PLPP4: variants seen among roughly 807,000 people sequenced by gnomAD.
PLPP4 encodes the protein phospholipid phosphatase 4.
Under a neutral mutation model 32.2 loss-of-function variants are expected in PLPP4, and 20 were observed. The ratio of observed to expected loss-of-function variants is 0.62; its 90% CI spans 0.44 to 0.90. PLPP4 has a LOEUF of 0.90. Among genes scored for constraint, PLPP4 ranks in the 40% least tolerant of loss-of-function variants. PLPP4 has a pLI of 0.00. For synonymous variants in PLPP4, 127 were observed against 133.0 expected (o/e 0.95, Z 0.31); for missense variants, 257 against 353.1 (o/e 0.73, Z 2.18).
At chr10:120,497,419 G>A (rs1845020583) in intron 1 of PLPP4, among the ~76,000 whole-genome samples, 1 of 152,012 alleles carries the variant, frequency 6.6e-6, no homozygotes, top group Non-Finnish European at 1.5e-5. Flanking sequence ...CAGGCAGTGT[G>A]TATGTGTGTG....
At chr10:120,569,069 A>G (rs984613440) in intron 5 of PLPP4, among the ~76,000 whole-genome samples, 1 of 151,848 alleles carries the variant, frequency 6.6e-6, no homozygotes, top group African/African-American at 2.4e-5. Context: ...TGAAACCCCA[A>G]CTCTGCCAAA....
At position 120,508,043 on chromosome 10, in the gene PLPP4, C is replaced by T. The variant is rs184099086; in HGVS notation, c.165+4117C>T. ...CCCAAGGCCTATTCTTTGCCCTCTT[C>T]TCTTTTTGCTTCGACCGTGATATGT... On this transcript the variant is annotated intron_variant, in intron 2 of 6. Coordinates refer to ENST00000398250, the MANE Select transcript of PLPP4 (RefSeq NM_001030059.3). Among the ~76,000 whole-genome samples the T allele has an allele frequency of 2.2e-3, 338 of 152,320 alleles. 1 individual carries two copies. The highest frequency in any genetic ancestry group is 7.7e-3 in the African/African-American group (321 of 41,566).
chr10:120,457,270 A>G lies in PLPP4; in HGVS notation c.-36A>G. 1 of 1,465,152 alleles carries G rather than the reference A, an allele frequency of 6.8e-7. No individual in the cohort carries two copies. The highest frequency in any genetic ancestry group is 9.1e-7 in the Non-Finnish European group (1 of 1,100,592). 90.8% of individuals were successfully genotyped at this position (1,465,152 alleles called of 1,614,324 possible). On this transcript the variant is annotated 5_prime_UTR_variant, in exon 1 of 7. Transcript: ENST00000398250. ...CCGAGCTGCGGGAGCCGCGGAGAGCACCAGCTGACGCCGCGGGAGCTGCTC... is the reference window on the plus strand; with the variant it reads ...CCGAGCTGCGGGAGCCGCGGAGAGCGCCAGCTGACGCCGCGGGAGCTGCTC...
chr10:120,473,082 C>T (rs943709553), intron 1 of PLPP4, among the ~76,000 whole-genome samples: 9 of 152,176 alleles, frequency 5.9e-5, no homozygotes, highest in African/African-American at 2.2e-4. Context: ...ATGATCTATA[C>T]CTTTGACTTT....
intron 6 of PLPP4, among the ~76,000 whole-genome samples, chr10:120,587,091 C>T (rs1210402698): frequency 2.0e-5 from 3 of 152,096 alleles, no homozygotes; most frequent in East Asian, 1.9e-4. Context: ...AATCCAGGAT[C>T]GGAACAGCAC....
chr10:120,465,797 T>C (rs1005342235), intron 1 of PLPP4, among the ~76,000 whole-genome samples: 1 of 152,160 alleles, frequency 6.6e-6, no homozygotes, highest in African/African-American at 2.4e-5. Context: ...CTAACATCAT[T>C]TGAATTCTAT....
intron 5 of PLPP4, among the ~76,000 whole-genome samples, chr10:120,551,020 C>G (rs1190032987): frequency 6.6e-6 from 1 of 151,876 alleles, no homozygotes; most frequent in Non-Finnish European, 1.5e-5. Flanking sequence ...CATTCATATC[C>G]ACAATATATA....
At chr10:120,548,523 A>AGTGCTGC (rs2133979982) in intron 5 of PLPP4, among the ~76,000 whole-genome samples, 1 of 152,304 alleles carries the variant, frequency 6.6e-6, no homozygotes, top group African/African-American at 2.4e-5. Context: ...TATTGTGAAT[A>AGTGCTGC]GTGCTGCGAT....
chr10:120,519,346 C>A (rs1846059554), intron 4 of PLPP4, among the ~76,000 whole-genome samples: 1 of 151,988 alleles, frequency 6.6e-6, no homozygotes, highest in Non-Finnish European at 1.5e-5. Flanking sequence ...ATTTATCTTT[C>A]CTTCTCTTCT....
intron 1 of PLPP4, among the ~76,000 whole-genome samples, chr10:120,486,005 A>C (rs537768399): frequency 4.7e-4 from 71 of 152,248 alleles, no homozygotes; most frequent in African/African-American, 1.6e-3. Context: ...CCAAACCCTA[A>C]AACTCTGTAA....
chr10:120,457,208 C>T, upstream of PLPP4: 5 of 934,174 alleles, frequency 5.4e-6, no homozygotes, highest in Non-Finnish European at 6.9e-6. Flanking sequence ...TGGAGCGCGC[C>T]TCCCTCGCCT....
At chr10:120,515,424 A>T (rs1845897417) in intron 3 of PLPP4, among the ~76,000 whole-genome samples, 1 of 152,140 alleles carries the variant, frequency 6.6e-6, no homozygotes, top group Admixed American at 6.5e-5. Flanking sequence ...TTCTGCCACA[A>T]ATCTGTCTGC....
chr10:120,566,067 G>A (rs1205394442), intron 5 of PLPP4, among the ~76,000 whole-genome samples: 3 of 151,878 alleles, frequency 2.0e-5, no homozygotes, highest in African/African-American at 7.3e-5. Context: ...CTTTTATAAT[G>A]TTTGTTTTCT....
chr10:120,578,390 C>T (rs1849323743), intron 6 of PLPP4, among the ~76,000 whole-genome samples: 1 of 152,220 alleles, frequency 6.6e-6, no homozygotes, highest in East Asian at 1.9e-4. Flanking sequence ...GGCCATCCAT[C>T]ATGGTGAGAA....
rs115164606 is a variant in PLPP4, at chr10:120,587,758, G to A, written c.617-1545G>A. ...TTCTTGAAAGATACATTTCTTTAAT[G>A]ACCACTCAAAATGTCACCTACAGGA... On this transcript the variant is annotated intron_variant, in intron 6 of 6. Transcript: ENST00000398250. Among the ~76,000 whole-genome samples the A allele has an allele frequency of 5.3e-3, 801 of 152,314 alleles. 14 individuals are homozygous for A. The highest frequency in any genetic ancestry group is 0.018 in the African/African-American group (755 of 41,580).
chr10:120,534,577 C>T (rs1846912249), intron 5 of PLPP4, among the ~76,000 whole-genome samples: 1 of 152,076 alleles, frequency 6.6e-6, no homozygotes, highest in Non-Finnish European at 1.5e-5. Context: ...ACTTCCATTA[C>T]ATCTACATTG....
chr10:120,546,467 C>A (rs1847627013), intron 5 of PLPP4, among the ~76,000 whole-genome samples: 1 of 152,192 alleles, frequency 6.6e-6, no homozygotes, highest in South Asian at 2.1e-4. Flanking sequence ...CCTTTAATAA[C>A]TCGCTGGGGA....
At position 120,524,159 on chromosome 10, in the gene PLPP4, G is replaced by A. The variant is rs1211420277; in HGVS notation, c.445+3064G>A. Among the ~76,000 whole-genome samples the A allele has an allele frequency of 2.0e-5, 3 of 152,054 alleles. No homozygotes were observed. The South Asian group carries it at 6.2e-4, about 32-fold the overall frequency. On this transcript the variant is annotated intron_variant, in intron 5 of 6. Transcript: ENST00000398250. Reference sequence around the variant, plus strand: ...TACCCAGTCTGTAGGCTTTGATGGTGGTATTTTCATTTATTTTCTCCTTTT... The same window carrying A: ...TACCCAGTCTGTAGGCTTTGATGGTAGTATTTTCATTTATTTTCTCCTTTT...
At chr10:120,483,364 A>G (rs1450206398) in intron 1 of PLPP4, among the ~76,000 whole-genome samples, 2 of 152,184 alleles carry the variant, frequency 1.3e-5, no homozygotes, top group East Asian at 1.9e-4. Flanking sequence ...CTCCCCATTC[A>G]TATATACGTC....
Sources: gnomAD v4.1 joint callset for allele counts (sites outside exome capture counted in the v4.1 genomes callset) on GRCh38, gnomAD v4.1.1 for gene constraint, MANE v1.5 for transcripts, NCBI Gene and HGNC (gene_info 2026-07-23, HGNC 2026-07-21) for gene names.